Variants in SHANK2 observed in about 807,000 individuals in gnomAD.
SHANK2 encodes SH3 and multiple ankyrin repeat domains protein 2.
SHANK2 carries 43 observed loss-of-function variants against 133.7 expected under a neutral mutation model. That is an observed-to-expected ratio of 0.32 (90% confidence interval 0.25 to 0.41). The LOEUF is 0.41. Among genes scored for constraint, SHANK2 ranks in the 10% least tolerant of loss-of-function variants. The pLI, the probability that SHANK2 is intolerant of heterozygous loss-of-function variation, is 1.00. For synonymous variants in SHANK2, 1,017 were observed against 952.8 expected, an observed-to-expected ratio of 1.07 and a Z score of -1.24; for missense variants, 1,994 against 2,235.8, an observed-to-expected ratio of 0.89 and a Z score of 2.18.
intron 14 of SHANK2, among the ~76,000 whole-genome samples, chr11:70,736,922 G>A (rs1355708516): frequency 3.9e-5 from 6 of 152,194 alleles, no homozygotes; most frequent in African/African-American, 1.4e-4. Context: ...ACGGAATTCA[G>A]CCTCTTCCTT....
intron 15 of SHANK2, chr11:70,662,038 A>ACGGCGGCGG: frequency 1.9e-6 from 1 of 519,624 alleles, no homozygotes; most frequent in Non-Finnish European, 3.5e-6. Flanking sequence ...AGTGGCCCGA[A>ACGGCGGCGG]CGGCGGCGGC....
intron 5 of SHANK2, 89 bp downstream of exon 5, chr11:71,113,204 G>A (rs1227152974): frequency 1.3e-5 from 15 of 1,193,344 alleles, no homozygotes; most frequent in East Asian, 2.6e-5. Flanking sequence ...AGGTGCCCCT[G>A]GAAGAGGAGC....
chr11:70,516,992 G>C (rs188196159), intron 17 of SHANK2, among the ~76,000 whole-genome samples: 10 of 152,294 alleles, frequency 6.6e-5, no homozygotes, highest in African/African-American at 1.9e-4. Context: ...AGAATCGCTT[G>C]AACCTGGGAG....
chr11:70,853,666 A>G (rs1177418408), intron 11 of SHANK2, among the ~76,000 whole-genome samples: 1 of 152,196 alleles, frequency 6.6e-6, no homozygotes, highest in Non-Finnish European at 1.5e-5. Context: ...GATGCGTCCC[A>G]TGTTCCTGGA....
At chr11:70,568,646 G>GCCCCCCCCCCCCCCCCCCTCCCCC (rs66982078) in intron 17 of SHANK2, among the ~76,000 whole-genome samples, 1 of 79,966 alleles carries the variant, frequency 1.3e-5, no homozygotes, top group Non-Finnish European at 2.8e-5. Flanking sequence ...GCGGATTCCT[G>GCCCCCCCCCCCCCCCCCCTCCCCC]CCCCCCCCGC....
intron 11 of SHANK2, among the ~76,000 whole-genome samples, chr11:70,890,443 A>C (rs551226661): frequency 5.9e-5 from 9 of 151,686 alleles, no homozygotes; most frequent in Admixed American, 3.9e-4. Flanking sequence ...GATTGAGATC[A>C]AACTGGCGAA....
intron 2 of SHANK2, among the ~76,000 whole-genome samples, chr11:71,169,609 G>T (rs905360781): frequency 6.6e-6 from 1 of 152,096 alleles, no homozygotes; most frequent in African/African-American, 2.4e-5. Context: ...AAATTAGCCA[G>T]GTGTTGGGGG....
At chr11:70,660,409 G>A (rs749679305) in intron 16 of SHANK2, among the ~76,000 whole-genome samples, 4 of 152,216 alleles carry the variant, frequency 2.6e-5, no homozygotes, top group South Asian at 2.1e-4. Context: ...GGAACATCAC[G>A]CTGACCCAGT....
chr11:71,073,710 C>T (rs36130763), intron 9 of SHANK2, among the ~76,000 whole-genome samples: 36,067 of 151,982 alleles, frequency 0.24, 4,750 homozygotes, highest in Non-Finnish European at 0.27. Context: ...TAATCCACTC[C>T]TCCCTCGGCC....
intron 13 of SHANK2, among the ~76,000 whole-genome samples, chr11:70,803,838 G>A (rs1555051237): frequency 6.6e-6 from 1 of 152,006 alleles, no homozygotes; most frequent in African/African-American, 2.4e-5. Context: ...GAGCGTCAGT[G>A]GGGGAATCGG....
intron 17 of SHANK2, among the ~76,000 whole-genome samples, chr11:70,543,122 C>T (rs1170445173): frequency 4.6e-5 from 7 of 152,184 alleles, no homozygotes; most frequent in African/African-American, 1.7e-4. Context: ...ACTGGAACTG[C>T]AGTTTGATGG....
At chr11:71,066,301 TTGTGGGGGGTGCAGAAGTCTCCCAGGGAG>T (rs2135952889) in intron 9 of SHANK2, among the ~76,000 whole-genome samples, 10 of 28,874 alleles carry the variant, frequency 3.5e-4, no homozygotes, top group South Asian at 1.7e-3. Flanking sequence ...AGTGGGGAAG[TTGTGGGGGGTGCAGAAGTCTCCCAGGGAG>T]ATGAGCAGTG....
At chr11:70,481,224 A>G (rs2058729269) in intron 25 of SHANK2, among the ~76,000 whole-genome samples, 1 of 152,188 alleles carries the variant, frequency 6.6e-6, no homozygotes, top group Non-Finnish European at 1.5e-5. Context: ...TTTTAACATT[A>G]TGTACTAAAG....
intron 3 of SHANK2, among the ~76,000 whole-genome samples, chr11:71,141,516 A>G (rs1475803600): frequency 6.6e-6 from 1 of 152,086 alleles, no homozygotes; most frequent in African/African-American, 2.4e-5. Flanking sequence ...TCAAACAAAC[A>G]AACAACAACA....
intron 11 of SHANK2, among the ~76,000 whole-genome samples, chr11:70,881,701 C>G (rs1949663342): frequency 6.7e-6 from 1 of 148,456 alleles, no homozygotes; most frequent in South Asian, 2.2e-4. Flanking sequence ...TTCCAGAGCT[C>G]TTTTGAGTAT....
intron 17 of SHANK2, among the ~76,000 whole-genome samples, chr11:70,536,600 C>T (rs2059547409): frequency 6.6e-6 from 1 of 152,230 alleles, no homozygotes; most frequent in African/African-American, 2.4e-5. Flanking sequence ...CACTCAGTGT[C>T]TCCCATGAGC....
rs1555075729 is a variant in SHANK2 at position 70,896,534 on chromosome 11, C to CT, written c.1140dup (p.Glu381ArgfsTer43). On this transcript the variant is annotated frameshift_variant, in exon 11 of 26. Coordinates refer to ENST00000601538, the MANE Select transcript of SHANK2 (RefSeq NM_012309.5). LOFTEE classifies it high-confidence loss of function. ...GTTTCCTTGTGGTTCTTGATGTATT[C>CT]TGCCAGCTCAAAGTTGCCTGCTATT... is the stretch of plus-strand genomic sequence containing the variant. The CT allele has an allele frequency of 2.8e-6, 2 of 719,056 alleles. No homozygotes were observed. The highest frequency in any genetic ancestry group is 2.6e-6 in the Non-Finnish European group (1 of 385,114). The allele number at this position is 719,056 out of a possible 1,614,324, so 44.5% of individuals were successfully genotyped here.
chr11:70,905,803 GTTTTTTTT>G (rs112602946), intron 10 of SHANK2, among the ~76,000 whole-genome samples: 6 of 136,718 alleles, frequency 4.4e-5, no homozygotes, highest in African/African-American at 1.1e-4. Context: ...CCCAGTTTAT[GTTTTTTTT>G]TTTTTTTTTT....
chr11:70,837,698 G>A (rs1948840787), intron 11 of SHANK2, among the ~76,000 whole-genome samples: 1 of 152,142 alleles, frequency 6.6e-6, no homozygotes, highest in African/African-American at 2.4e-5. Flanking sequence ...GTTGAGGCCA[G>A]GCACGGTGGC....
Sources: gnomAD v4.1 joint callset for allele counts (sites outside exome capture counted in the v4.1 genomes callset) on GRCh38, gnomAD v4.1.1 for gene constraint, MANE v1.5 for transcripts, NCBI Gene and HGNC (gene_info 2026-07-23, HGNC 2026-07-21) for gene names.